Variants in CHFR observed in about 807,000 individuals in gnomAD.
The protein encoded by CHFR is E3 ubiquitin-protein ligase CHFR.
Under a neutral mutation model 87.6 loss-of-function variants are expected in CHFR, and 57 were observed. That is an observed-to-expected ratio of 0.65 (90% CI 0.53 to 0.81). The LOEUF (loss-of-function observed/expected upper bound fraction) is 0.81. Ranked by LOEUF, CHFR falls within the 30% of genes least tolerant of loss-of-function variation. CHFR has a pLI of 0.00. For missense variants in CHFR, 797 were observed against 865.8 expected (o/e 0.92, Z 1.00); for synonymous variants, 381 against 359.2 (o/e 1.06, Z -0.69).
rs1950847509 is a variant in CHFR, at chr12:132,847,116, G to T, written c.1662C>A (p.Thr554=). The T allele has an allele frequency of 1.2e-6, 2 of 1,613,668 alleles. No individual in the cohort carries two copies. The highest frequency in any genetic ancestry group is 2.7e-5 in the African/African-American group (2 of 75,022). ...ESDILKNYLA[T]RGLTWKNMLT... ...ACATGTTTTTCCATGTCAAACCTCT[G>T]GTTGCCAGGTAATTCTGTGACGCAA... The change falls in exon 15 of 18, where the codon ACC becomes ACA. Residue 554 remains threonine (T), a synonymous_variant. Coordinates refer to ENST00000450056, the MANE Select transcript of CHFR (RefSeq NM_001161346.2).
intron 11 of CHFR, 72 bp from the exon 12 acceptor site, chr12:132,851,809 CG>C: frequency 1.3e-6 from 2 of 1,522,920 alleles, no homozygotes; most frequent in Non-Finnish European, 8.9e-7. Flanking sequence ...GAGAGGCCGC[CG>C]GGAAGCACAG....
chr12:132,871,913 C>G (rs987619196), intron 4 of CHFR: 1 of 204,322 alleles, frequency 4.9e-6, no homozygotes, highest in African/African-American at 2.3e-5. Flanking sequence ...TTTGATGTTT[C>G]TTGTAAGGTC....
At chr12:132,868,803 C>A (rs1951417159) in intron 6 of CHFR, among the ~76,000 whole-genome samples, 1 of 148,192 alleles carries the variant, frequency 6.7e-6, no homozygotes, top group Non-Finnish European at 1.5e-5. Flanking sequence ...GGAGTGACTG[C>A]TGATGGGGCC....
intron 6 of CHFR, chr12:132,866,700 C>G (rs1160424457): frequency 6.6e-6 from 1 of 152,220 alleles, no homozygotes; most frequent in Admixed American, 6.5e-5. Context: ...TACAACACAC[C>G]AGAATGTTAC....
chr12:132,870,288 G>T (rs1593505319), intron 5 of CHFR, among the ~76,000 whole-genome samples: 1 of 151,938 alleles, frequency 6.6e-6, no homozygotes, highest in African/African-American at 2.4e-5. Context: ...GGAGGTGGAG[G>T]TTGCAGTGAG....
rs1296241628 is a variant in CHFR, at chr12:132,847,356, CAG to C, written c.1648-228_1648-227del. ...CAAAAGGTTCCAGTGTAACAGTTAC[CAG>C]AGTCTCTCAAAAGTTCTGCCAAGAC... On this transcript the variant is annotated intron_variant, in intron 14 of 17. Transcript: ENST00000450056. The C allele has an allele frequency of 3.2e-6, 4 of 1,253,798 alleles. No homozygotes were observed. In the East Asian group the frequency reaches 1.1e-4, roughly 36 times the overall value. The allele number at this position is 1,253,798 out of a possible 1,614,324, so 77.7% of individuals were successfully genotyped here.
chr12:132,872,890 C>CA (rs1340977521), intron 3 of CHFR, among the ~76,000 whole-genome samples: 1 of 152,220 alleles, frequency 6.6e-6, no homozygotes, highest in African/African-American at 2.4e-5. Flanking sequence ...GCCCTGCACT[C>CA]AGAGCTTGTG....
chr12:132,848,825 A>G (rs1006553601), intron 12 of CHFR, 101 bp from the exon 13 acceptor site: 4 of 896,684 alleles, frequency 4.5e-6, no homozygotes, highest in Non-Finnish European at 7.0e-6. Context: ...TTCTGGAAAC[A>G]TTGTTCAGGA....
intron 5 of CHFR, 103 bp downstream of exon 5, chr12:132,870,621 C>A: frequency 1.3e-6 from 1 of 762,190 alleles, no homozygotes; most frequent in East Asian, 2.7e-5. Context: ...GATCGCGCCA[C>A]CGCACTCCAG....
intron 17 of CHFR, among the ~76,000 whole-genome samples, 163 bp downstream of exon 17, chr12:132,842,848 G>T (rs1204600706): frequency 6.6e-6 from 1 of 152,214 alleles, no homozygotes; most frequent in East Asian, 1.9e-4. Flanking sequence ...AAAACTGCAT[G>T]AAACGAAGGG....
chr12:132,847,560 T>C, intron 14 of CHFR: 1 of 1,069,718 alleles, frequency 9.3e-7, no homozygotes, highest in Non-Finnish European at 1.1e-6. Flanking sequence ...AGTGTGGGGC[T>C]GAGCGGGCGC....
intron 12 of CHFR, chr12:132,848,974 T>A: frequency 2.1e-6 from 1 of 474,558 alleles, no homozygotes; most frequent in Admixed American, 3.6e-5. Flanking sequence ...AGAGATGGAG[T>A]CTCGCTCTGT....
At chr12:132,879,976 T>A (rs1274295605) in intron 2 of CHFR, among the ~76,000 whole-genome samples, 1 of 152,206 alleles carries the variant, frequency 6.6e-6, no homozygotes, top group Non-Finnish European at 1.5e-5. Flanking sequence ...GACTCAGTAT[T>A]GTTAAAATGT....
At chr12:132,877,753 C>T in intron 2 of CHFR, 99 bp from the exon 3 acceptor site, 1 of 635,120 alleles carries the variant, frequency 1.6e-6, no homozygotes, top group Non-Finnish European at 2.6e-6. Flanking sequence ...ACTCAGGATC[C>T]CCATTGTACA....
rs780669678 is a variant in CHFR, at chr12:132,856,458, C to G, written c.1229+10G>C. 6.2e-7 allele frequency: 1 copy of G among 1,613,640 alleles called. No homozygotes were observed. Among genetic ancestry groups the G allele is most frequent in the South Asian group, 1.1e-5 (1 of 91,064 alleles). On this transcript the variant is annotated intron_variant, in intron 10 of 17. Coordinates refer to ENST00000450056, the MANE Select transcript of CHFR (RefSeq NM_001161346.2). ...CACACACTCTGCTCTGAGCCAGGGG[C>G]ATGATTTACCTAATGTCTGAGGACT...
intron 2 of CHFR, 41 bp from the exon 3 acceptor site, chr12:132,877,695 G>GT (rs748099881): frequency 4.4e-6 from 6 of 1,377,194 alleles, no homozygotes; most frequent in Admixed American, 3.5e-5. Flanking sequence ...TATGATCGTG[G>GT]TAACTGTGAA....
At chr12:132,872,506 A>G in intron 3 of CHFR, 112 bp from the exon 4 acceptor site, 1 of 687,768 alleles carries the variant, frequency 1.5e-6, no homozygotes, top group East Asian at 2.7e-5. Flanking sequence ...GGAAATACTC[A>G]TAGGAACAGT....
intron 5 of CHFR, among the ~76,000 whole-genome samples, chr12:132,870,038 G>A (rs936618393): frequency 3.3e-5 from 5 of 152,074 alleles, no homozygotes; most frequent in African/African-American, 4.8e-5. Flanking sequence ...GTGAAACCCC[G>A]TCTCTACTAA....
At chr12:132,844,276 CA>C in intron 15 of CHFR, 142 bp from the exon 16 acceptor site, 1 of 612,522 alleles carries the variant, frequency 1.6e-6, no homozygotes, top group Non-Finnish European at 3.0e-6. Flanking sequence ...AGAACAAAGC[CA>C]ATCTAGATAC....
Sources: allele counts gnomAD v4.1 joint callset (sites outside exome capture counted in the v4.1 genomes callset), GRCh38; gene constraint gnomAD v4.1.1; transcripts MANE v1.5; gene names NCBI Gene and HGNC (gene_info 2026-07-23, HGNC 2026-07-21).